ITGA8: variants seen among roughly 807,000 people sequenced by gnomAD.
ITGA8 encodes integrin alpha-8.
ITGA8 carries 91 observed loss-of-function variants against 142.3 expected under a neutral mutation model. The ratio of observed to expected loss-of-function variants is 0.64; its 90% CI spans 0.54 to 0.76. ITGA8 has a LOEUF of 0.76. Among genes scored for constraint, ITGA8 ranks in the 30% least tolerant of loss-of-function variants. The pLI is 0.00. For synonymous variants in ITGA8, 505 were observed against 485.2 expected (o/e 1.04, Z -0.54); for missense variants, 1,406 against 1,327.7 (o/e 1.06, Z -0.92).
At chr10:15,704,708 T>C (rs1276897958) in intron 2 of ITGA8, among the ~76,000 whole-genome samples, 1 of 152,198 alleles carries the variant, frequency 6.6e-6, no homozygotes, top group Non-Finnish European at 1.5e-5. Context: ...ATCATTTATT[T>C]GCTTCAAGAA....
At chr10:15,596,006 G>A (rs139281193) in intron 21 of ITGA8, among the ~76,000 whole-genome samples, 4 of 152,264 alleles carry the variant, frequency 2.6e-5, no homozygotes, top group East Asian at 1.9e-4. Flanking sequence ...AGCTAAGATC[G>A]TGCCATTGCA....
chr10:15,573,394 T>A (rs1834223864), intron 24 of ITGA8, among the ~76,000 whole-genome samples: 1 of 151,112 alleles, frequency 6.6e-6, no homozygotes, highest in Non-Finnish European at 1.5e-5. Context: ...GACACACAGC[T>A]TTATTAAATT....
chr10:15,708,921 C>A (rs1235389216), intron 2 of ITGA8, among the ~76,000 whole-genome samples: 3 of 152,134 alleles, frequency 2.0e-5, no homozygotes, highest in African/African-American at 7.2e-5. Flanking sequence ...GCCTCCCTAT[C>A]AAATCACACT....
intron 25 of ITGA8, among the ~76,000 whole-genome samples, chr10:15,559,677 G>A (rs1176270606): frequency 3.3e-5 from 5 of 152,080 alleles, no homozygotes; most frequent in Admixed American, 2.6e-4. Context: ...TTGTAGGGAC[G>A]TGGATGGAAC....
At chr10:15,690,583 C>T (rs1170937617) in intron 2 of ITGA8, among the ~76,000 whole-genome samples, 2 of 152,222 alleles carry the variant, frequency 1.3e-5, no homozygotes, top group Admixed American at 1.3e-4. Context: ...CTCTGAGCAC[C>T]TGTGCCTGAA....
At chr10:15,627,501 A>G (rs896411006) in intron 13 of ITGA8, among the ~76,000 whole-genome samples, 1 of 152,218 alleles carries the variant, frequency 6.6e-6, no homozygotes, top group Non-Finnish European at 1.5e-5. Context: ...GGAAAACGTC[A>G]GTAAGAAAAT....
At chr10:15,671,769 A>G in intron 7 of ITGA8, 122 bp from the exon 8 acceptor site, 2 of 701,398 alleles carry the variant, frequency 2.9e-6, no homozygotes, top group Non-Finnish European at 4.8e-6. Context: ...TACAAATATT[A>G]TAAAAGTTAA....
intron 23 of ITGA8, among the ~76,000 whole-genome samples, chr10:15,581,100 T>C (rs952332037): frequency 2.6e-5 from 4 of 152,226 alleles, no homozygotes; most frequent in Admixed American, 2.0e-4. Context: ...ACAATGGATA[T>C]CCTAACACTA....
intron 12 of ITGA8, among the ~76,000 whole-genome samples, 174 bp downstream of exon 12, chr10:15,646,672 T>C (rs1833985917): frequency 6.6e-6 from 1 of 152,234 alleles, no homozygotes; most frequent in Admixed American, 6.5e-5. Context: ...GTAATATTTA[T>C]ATTAGTCAAA....
At chr10:15,598,621 C>T (rs1316929644) in intron 20 of ITGA8, among the ~76,000 whole-genome samples, 2 of 152,138 alleles carry the variant, frequency 1.3e-5, no homozygotes, top group Admixed American at 6.5e-5. Context: ...AGTGATGGTT[C>T]AGGAACAACA....
At chr10:15,716,636 C>T (rs1835456836) in intron 2 of ITGA8, among the ~76,000 whole-genome samples, 1 of 150,348 alleles carries the variant, frequency 6.7e-6, no homozygotes, top group Non-Finnish European at 1.5e-5. Context: ...CAAGCAATTG[C>T]TTTAGAATGA....
chr10:15,632,553 C>G (rs1463528419), intron 13 of ITGA8, among the ~76,000 whole-genome samples: 4 of 152,136 alleles, frequency 2.6e-5, no homozygotes, highest in Non-Finnish European at 4.4e-5. Flanking sequence ...ATCCCACAAA[C>G]AGGAGATTAG....
At chr10:15,716,428 T>A (rs1835452637) in intron 2 of ITGA8, among the ~76,000 whole-genome samples, 1 of 152,210 alleles carries the variant, frequency 6.6e-6, no homozygotes, top group Admixed American at 6.5e-5. Flanking sequence ...GAGGACATTG[T>A]CTTCTCCAAG....
intron 20 of ITGA8, among the ~76,000 whole-genome samples, chr10:15,599,240 T>TTTA (rs1486700333): frequency 1.3e-5 from 2 of 152,190 alleles, no homozygotes; most frequent in African/African-American, 4.8e-5. Flanking sequence ...TTTCCTCTCG[T>TTTA]TAATAAGAGG....
intron 2 of ITGA8, among the ~76,000 whole-genome samples, chr10:15,716,256 A>T (rs1403467705): frequency 1.3e-5 from 2 of 152,186 alleles, no homozygotes; most frequent in African/African-American, 4.8e-5. Flanking sequence ...TGAAATTATT[A>T]TGATTGTAGT....
chr10:15,715,047 C>T (rs1246972611), intron 2 of ITGA8, among the ~76,000 whole-genome samples: 5 of 152,094 alleles, frequency 3.3e-5, no homozygotes, highest in Admixed American at 1.3e-4. Flanking sequence ...CTCCATTATG[C>T]GGATGTCAAT....
intron 27 of ITGA8, among the ~76,000 whole-genome samples, chr10:15,538,219 A>AGT (rs1427975243): frequency 6.6e-6 from 1 of 152,192 alleles, no homozygotes; most frequent in African/African-American, 2.4e-5. Flanking sequence ...TCAGTTAAAA[A>AGT]GTTCTATAGT....
At chr10:15,615,094 T>C (rs1833368412) in intron 14 of ITGA8, among the ~76,000 whole-genome samples, 1 of 152,174 alleles carries the variant, frequency 6.6e-6, no homozygotes, top group Non-Finnish European at 1.5e-5. Context: ...GCATTTGTGT[T>C]CTTGTTGTGT....
At chr10:15,576,737 C>T (rs1370477888) in intron 23 of ITGA8, among the ~76,000 whole-genome samples, 10 of 152,252 alleles carry the variant, frequency 6.6e-5, no homozygotes, top group Non-Finnish European at 1.2e-4. Flanking sequence ...CACAAATGTT[C>T]GGAAAACATC....
Sources: allele counts gnomAD v4.1 joint callset (sites outside exome capture counted in the v4.1 genomes callset), GRCh38; gene constraint gnomAD v4.1.1; transcripts MANE v1.5; gene names NCBI Gene and HGNC (gene_info 2026-07-23, HGNC 2026-07-21).